TAFA5: variants seen among roughly 807,000 people sequenced by gnomAD.
TAFA5 encodes TAFA chemokine like family member 5.
Under a neutral mutation model 15.3 loss-of-function variants are expected in TAFA5, and 6 were observed. The ratio of observed to expected loss-of-function variants is 0.39; its 90% CI spans 0.21 to 0.77. The LOEUF (loss-of-function observed/expected upper bound fraction) is 0.77, where lower values mean the gene tolerates loss of function less well. Ranked by LOEUF, TAFA5 falls within the 30% of genes least tolerant of loss-of-function variation. The pLI is 0.41. For synonymous variants in TAFA5, 103 were observed against 80.7 expected (o/e 1.28, Z -1.48); for missense variants, 161 against 193.1 (o/e 0.83, Z 0.98).
chr22:48,666,435 A>G (rs1927611346), intron 2 of TAFA5, among the ~76,000 whole-genome samples: 2 of 55,694 alleles, frequency 3.6e-5, no homozygotes, highest in African/African-American at 1.6e-4. Flanking sequence ...CCACCACAGG[A>G]CACCATCACT....
chr22:48,575,696 G>T (rs1032153988), intron 1 of TAFA5, among the ~76,000 whole-genome samples: 1 of 145,510 alleles, frequency 6.9e-6, no homozygotes, highest in Non-Finnish European at 1.5e-5. Context: ...CGGCGGAGGC[G>T]CGGGCTGCTG....
chr22:48,564,588 C>T (rs1439972563), intron 1 of TAFA5, among the ~76,000 whole-genome samples: 1 of 152,208 alleles, frequency 6.6e-6, no homozygotes, highest in African/African-American at 2.4e-5. Context: ...GGCTCCGAGT[C>T]TTCTTCCCAA....
In TAFA5 at chr22:48,556,445, C is replaced by T. The variant is rs540340625; in HGVS notation, c.112+66741C>T. Reference sequence around the variant, plus strand: ...GAGCTGCAGCTTACACACATATGCACGCGTGCTAAGCTGCACATAATTAAT... The same window carrying T: ...GAGCTGCAGCTTACACACATATGCATGCGTGCTAAGCTGCACATAATTAAT... On this transcript the variant is annotated intron_variant, in intron 1 of 3. Transcript: ENST00000402357. Among the ~76,000 whole-genome samples, 9 of 152,382 alleles carry T rather than the reference C, an allele frequency of 5.9e-5. No individual in the cohort carries two copies. In the East Asian group the frequency reaches 1.2e-3, roughly 20 times the overall value.
At chr22:48,693,894 G>A (rs1219609022) in intron 2 of TAFA5, among the ~76,000 whole-genome samples, 3 of 152,168 alleles carry the variant, frequency 2.0e-5, no homozygotes, top group Admixed American at 6.5e-5. Flanking sequence ...ATGGTGCCCC[G>A]GGTGTTTCCG....
Position 48,550,488 on chromosome 22 carries a change from C to A in TAFA5, c.112+60784C>A, listed in dbSNP as rs187289405. Reference sequence around the variant, plus strand: ...ATGGAACCAGATGTGAGGGCTTTGACCCCCACGGAGCCAGGTGCCCCTGGG... The same window carrying A: ...ATGGAACCAGATGTGAGGGCTTTGAACCCCACGGAGCCAGGTGCCCCTGGG... On this transcript the variant is annotated intron_variant, in intron 1 of 3. Transcript: ENST00000402357. This position sits in a 1 kb window ranked among gnomAD's most constrained non-coding sequence, Gnocchi z 4.1. Among the ~76,000 whole-genome samples, 1 of 152,178 alleles carries A rather than the reference C, an allele frequency of 6.6e-6. No homozygotes were observed. Among genetic ancestry groups the A allele is most frequent in the African/African-American group, 2.4e-5 (1 of 41,452 alleles).
At chr22:48,536,906 C>T (rs77088357) in intron 1 of TAFA5, among the ~76,000 whole-genome samples, 2 of 152,130 alleles carry the variant, frequency 1.3e-5, no homozygotes, top group Middle Eastern at 3.2e-3. Flanking sequence ...ACTGGCTGGG[C>T]GATGGCAGCG....
intron 1 of TAFA5, among the ~76,000 whole-genome samples, chr22:48,583,138 CACCACACACCACACACAAAATAT>C (rs1924152134): frequency 1.3e-5 from 2 of 149,300 alleles, no homozygotes; most frequent in Non-Finnish European, 3.0e-5. Context: ...GCCACACACA[CACCACACACCACACACAAAATAT>C]ACCACACACC....
intron 1 of TAFA5, 146 bp from the exon 2 acceptor site, chr22:48,646,451 T>G: frequency 9.5e-7 from 1 of 1,053,818 alleles, no homozygotes; most frequent in Non-Finnish European, 1.3e-6. Flanking sequence ...TTCGAGGTGC[T>G]TTCGGACGCT....
intron 3 of TAFA5, among the ~76,000 whole-genome samples, chr22:48,708,246 G>A (rs1309860208): frequency 2.0e-5 from 3 of 152,156 alleles, no homozygotes; most frequent in South Asian, 2.1e-4. Flanking sequence ...AGGGCACGGC[G>A]GGGGTTCTGT....
chr22:48,571,401 A>C (rs1923578554), intron 1 of TAFA5, among the ~76,000 whole-genome samples: 1 of 148,602 alleles, frequency 6.7e-6, no homozygotes. Flanking sequence ...CAGCATCTGG[A>C]GTACCTGGGA....
intron 1 of TAFA5, among the ~76,000 whole-genome samples, chr22:48,540,097 C>G (rs550960926): frequency 1.1e-4 from 16 of 152,314 alleles, no homozygotes; most frequent in Non-Finnish European, 2.2e-4. Context: ...GAAGGGCTGG[C>G]CCCCTCACCC....
intron 2 of TAFA5, among the ~76,000 whole-genome samples, chr22:48,679,936 C>T (rs1928124951): frequency 1.3e-5 from 2 of 152,236 alleles, no homozygotes; most frequent in Admixed American, 1.3e-4. Flanking sequence ...TCTGTCCCTT[C>T]CTTTAGGATG....
chr22:48,562,812 C>G (rs369669521), intron 1 of TAFA5, among the ~76,000 whole-genome samples: 1 of 152,206 alleles, frequency 6.6e-6, no homozygotes, highest in Non-Finnish European at 1.5e-5. Context: ...ACTCCACCCC[C>G]ACAGTGAGAG....
At chr22:48,660,147 C>T (rs867582619) in intron 2 of TAFA5, among the ~76,000 whole-genome samples, 27 of 152,288 alleles carry the variant, frequency 1.8e-4, no homozygotes, top group South Asian at 4.2e-4. Context: ...CAAAAAAACC[C>T]CAGGCTCCCA....
At chr22:48,518,952 T>C (rs1363759512) in intron 1 of TAFA5, among the ~76,000 whole-genome samples, 1 of 152,044 alleles carries the variant, frequency 6.6e-6, no homozygotes, top group Non-Finnish European at 1.5e-5. Flanking sequence ...GTCCCCCAGC[T>C]CACCTGTCCG....
intron 1 of TAFA5, among the ~76,000 whole-genome samples, chr22:48,638,340 C>T (rs2147195412): frequency 1.5e-5 from 1 of 68,748 alleles, no homozygotes; most frequent in Middle Eastern, 8.2e-3. Flanking sequence ...CCCTGGGCCA[C>T]ACACAGGCAA....
At chr22:48,544,592 C>G (rs997778901) in intron 1 of TAFA5, 2 of 428,132 alleles carry the variant, frequency 4.7e-6, no homozygotes, top group Non-Finnish European at 9.8e-6. Flanking sequence ...CCTCCCAGAG[C>G]TGCACAGAGC....
At chr22:48,618,871 C>T (rs1260023030) in intron 1 of TAFA5, among the ~76,000 whole-genome samples, 4 of 152,184 alleles carry the variant, frequency 2.6e-5, no homozygotes, top group African/African-American at 9.7e-5. Flanking sequence ...CCCTGGGTTC[C>T]CCATAGGCCC....
At chr22:48,497,902 G>C (rs1299760789) in intron 1 of TAFA5, among the ~76,000 whole-genome samples, 1 of 111,286 alleles carries the variant, frequency 9.0e-6, no homozygotes, top group Non-Finnish European at 1.9e-5. Context: ...TGGAGGCCTG[G>C]AGGCGGGGCT....
Sources: allele counts gnomAD v4.1 joint callset (sites outside exome capture counted in the v4.1 genomes callset), GRCh38; gene constraint gnomAD v4.1.1; non-coding constraint Gnocchi (gnomAD v3.1); transcripts MANE v1.5; gene names NCBI Gene and HGNC (gene_info 2026-07-23, HGNC 2026-07-21).